The following RGPD2 variants were observed in gnomAD, a reference collection of about 807,000 sequenced individuals.
The protein encoded by RGPD2 is RANBP2-like and GRIP domain-containing protein 2.
Under a neutral mutation model 36.0 loss-of-function variants are expected in RGPD2, and 2 were observed. The ratio of observed to expected loss-of-function variants is 0.06; its 90% confidence interval spans 0.02 to 0.17. The LOEUF (loss-of-function observed/expected upper bound fraction) is 0.17. Ranked by LOEUF, RGPD2 falls within the 10% of genes least tolerant of loss-of-function variation. The pLI is 1.00. For synonymous variants in RGPD2, 19 were observed against 163.8 expected (o/e 0.12, Z 6.75); for missense variants, 40 against 464.3 (o/e 0.09, Z 8.40).
At chr2:87,845,824 CTT>C in the RGPD2 span, among the ~76,000 whole-genome samples, 2 of 152,050 alleles carry the variant, frequency 1.3e-5, no homozygotes, top group African/African-American at 4.8e-5. Flanking sequence ...TCTTTCAAGA[CTT>C]TTGCTTTAAG....
chr2:87,955,264 C>A, the RGPD2 span, among the ~76,000 whole-genome samples: 5 of 148,776 alleles, frequency 3.4e-5, no homozygotes, highest in South Asian at 2.2e-4. Context: ...TCCACCCCCC[C>A]ACAGCCTCCC....
chr2:87,896,932 G>A, the RGPD2 span, among the ~76,000 whole-genome samples: 15 of 150,644 alleles, frequency 1.0e-4, no homozygotes, highest in South Asian at 2.1e-4. Flanking sequence ...TAGATGAGTC[G>A]AAAGCCACTT....
chr2:87,894,183 C>T, the RGPD2 span, among the ~76,000 whole-genome samples: 9 of 151,972 alleles, frequency 5.9e-5, no homozygotes, highest in Admixed American at 1.3e-4. Flanking sequence ...TTTTAAGCTG[C>T]TAAATTTGTG....
chr2:87,929,088 A>C, the RGPD2 span, among the ~76,000 whole-genome samples: 1 of 151,840 alleles, frequency 6.6e-6, no homozygotes, highest in Non-Finnish European at 1.5e-5. Flanking sequence ...CTTTTGTTGC[A>C]ATAGGTTTTG....
At chr2:87,916,882 G>A in the RGPD2 span, among the ~76,000 whole-genome samples, 5 of 151,838 alleles carry the variant, frequency 3.3e-5, no homozygotes, top group Non-Finnish European at 5.9e-5. Flanking sequence ...ACGGATGAAC[G>A]AGTGAAATAT....
At chr2:87,866,550 A>G in the RGPD2 span, among the ~76,000 whole-genome samples, 9 of 152,338 alleles carry the variant, frequency 5.9e-5, no homozygotes, top group African/African-American at 2.2e-4. Flanking sequence ...CACATATGCA[A>G]TTTAGAACAA....
At chr2:87,843,059 T>C in the RGPD2 span, among the ~76,000 whole-genome samples, 2 of 151,856 alleles carry the variant, frequency 1.3e-5, no homozygotes. Context: ...TAAAAATTAA[T>C]TCAAGATGGA....
intron 18 of RGPD2, among the ~76,000 whole-genome samples, chr2:87,785,944 G>GA (rs1201162514): frequency 2.0e-5 from 3 of 152,008 alleles, no homozygotes; most frequent in Non-Finnish European, 4.4e-5. Flanking sequence ...GGAAAGCACT[G>GA]AAAAATCAAG....
Position 87,784,023 on chromosome 2 carries a change from C to G in RGPD2, c.3001G>C (p.Gly1001Arg). Reference protein sequence around the residue: ...AGEKLFSSQCGKMANKANTSG... With the variant: ...AGEKLFSSQCRKMANKANTSG... ...GTGTTTGCTTTATTGGCCATTTTAC[C>G]GCATTGTGATGAGAATAATTTTTCT... Residue 1001 changes from glycine (G) to arginine (R), a missense_variant, in exon 20 of 23, where the codon GGT becomes CGT. Coordinates refer to ENST00000398146, the MANE Select transcript of RGPD2 (RefSeq NM_001078170.3). The G allele has an allele frequency of 4.6e-6, 1 of 215,506 alleles. No homozygotes were observed. Among genetic ancestry groups the G allele is most frequent in the Non-Finnish European group, 8.0e-6 (1 of 124,304 alleles). 13.3% of individuals were successfully genotyped at this position (215,506 alleles called of 1,614,324 possible). A position where few individuals can be genotyped will look rare whatever the true frequency, so the allele number is the denominator to read the frequency against.
the RGPD2 span, among the ~76,000 whole-genome samples, chr2:87,960,471 TA>T: frequency 1.5e-5 from 1 of 68,466 alleles, no homozygotes; most frequent in Non-Finnish European, 2.9e-5. Context: ...CTGGATAGGC[TA>T]TATGTGCCTT....
the RGPD2 span, among the ~76,000 whole-genome samples, chr2:87,988,547 T>TTTTTTTTGTTTTG: frequency 2.7e-4 from 9 of 33,088 alleles, no homozygotes; most frequent in African/African-American, 4.5e-4. Flanking sequence ...ATATATTTTT[T>TTTTTTTTGTTTTG]TTTTTTCTTT....
At chr2:87,986,639 C>A in the RGPD2 span, among the ~76,000 whole-genome samples, 4 of 151,598 alleles carry the variant, frequency 2.6e-5, no homozygotes, top group South Asian at 8.4e-4. Flanking sequence ...AAGCACTTTG[C>A]GAGGTCAAGG....
chr2:87,984,742 A>G, the RGPD2 span, among the ~76,000 whole-genome samples: 1 of 149,620 alleles, frequency 6.7e-6, no homozygotes, highest in East Asian at 2.0e-4. Context: ...CATCCTGGCT[A>G]ACATGGTGAA....
At chr2:87,769,689 T>C (rs181346748) in intron 22 of RGPD2, among the ~76,000 whole-genome samples, 11 of 152,122 alleles carry the variant, frequency 7.2e-5, no homozygotes, top group Admixed American at 1.3e-4. Context: ...TTGAAAACTA[T>C]TGAAAACTTT....
the RGPD2 span, among the ~76,000 whole-genome samples, chr2:87,933,009 TG>T: frequency 7.4e-6 from 1 of 135,026 alleles, no homozygotes; most frequent in Non-Finnish European, 1.6e-5. Flanking sequence ...CTAGCTAGGT[TG>T]GGGGAAGGTT....
the RGPD2 span, among the ~76,000 whole-genome samples, chr2:87,871,539 A>G: frequency 2.1e-5 from 3 of 142,620 alleles, no homozygotes; most frequent in African/African-American, 7.9e-5. Context: ...AATTTGTCAG[A>G]TAGAGTAATA....
chr2:87,952,311 G>A, the RGPD2 span, among the ~76,000 whole-genome samples: 2 of 152,020 alleles, frequency 1.3e-5, no homozygotes, highest in African/African-American at 4.8e-5. Context: ...TCTGCTTAAG[G>A]GGTGTCCTCA....
At chr2:87,826,008 G>A (rs538041388), upstream of RGPD2, 5 of 431,058 alleles carry the variant, frequency 1.2e-5, no homozygotes, top group Admixed American at 4.0e-5. Flanking sequence ...AGGCCGAGGC[G>A]GGTGCTGTAA....
chr2:87,763,171 T>C (rs1352700800), intron 22 of RGPD2, among the ~76,000 whole-genome samples: 1 of 73,424 alleles, frequency 1.4e-5, no homozygotes, highest in Non-Finnish European at 2.6e-5. Context: ...AGTGTTTTTT[T>C]TTCTGAGACG....
Sources: gnomAD v4.1 joint callset for allele counts (sites outside exome capture counted in the v4.1 genomes callset) on GRCh38, gnomAD v4.1.1 for gene constraint, MANE v1.5 for transcripts, NCBI Gene and HGNC (gene_info 2026-07-23, HGNC 2026-07-21) for gene names.